PTPRM: variants seen among roughly 807,000 people sequenced by gnomAD.
PTPRM encodes receptor-type tyrosine-protein phosphatase mu.
A neutral mutation model predicts 186.7 loss-of-function variants in PTPRM; 47 were observed. That is an observed-to-expected ratio of 0.25 (90% CI 0.20 to 0.32). The LOEUF is 0.32. PTPRM is among the 10% of genes least tolerant of loss of function. The pLI is 1.00. For synonymous variants in PTPRM, 668 were observed against 674.9 expected, an observed-to-expected ratio of 0.99 and a Z score of 0.16; for missense variants, 1,494 against 1,865.0, an observed-to-expected ratio of 0.80 and a Z score of 3.66.
intron 1 of PTPRM, among the ~76,000 whole-genome samples, chr18:7,735,645 G>A (rs1209429059): frequency 6.6e-6 from 1 of 151,952 alleles, no homozygotes; most frequent in Non-Finnish European, 1.5e-5. Flanking sequence ...TATAAAGAAT[G>A]TCTATTAACA....
chr18:7,606,443 G>A (rs2037531814), intron 1 of PTPRM, among the ~76,000 whole-genome samples: 1 of 152,106 alleles, frequency 6.6e-6, no homozygotes, highest in South Asian at 2.1e-4. Context: ...CGGTTGGAGA[G>A]CTTCTTATCC....
At chr18:8,067,069 T>C (rs932860191) in intron 7 of PTPRM, among the ~76,000 whole-genome samples, 2 of 152,236 alleles carry the variant, frequency 1.3e-5, no homozygotes, top group Admixed American at 6.5e-5. Flanking sequence ...TAGTTTTCCA[T>C]TGAAATTAAG....
intron 7 of PTPRM, among the ~76,000 whole-genome samples, chr18:7,997,193 C>T (rs892007993): frequency 3.9e-5 from 6 of 152,104 alleles, no homozygotes; most frequent in South Asian, 2.1e-4. Context: ...AAAACAGACA[C>T]ATAGACCAAC....
intron 1 of PTPRM, among the ~76,000 whole-genome samples, chr18:7,762,637 G>A (rs1362278533): frequency 6.6e-6 from 1 of 152,154 alleles, no homozygotes; most frequent in African/African-American, 2.4e-5. Flanking sequence ...TTGGGAGTGT[G>A]TGGGATATAC....
chr18:8,070,030 T>C (rs371375052), intron 8 of PTPRM, 36 bp downstream of exon 8: 2 of 1,557,316 alleles, frequency 1.3e-6, no homozygotes, highest in Non-Finnish European at 1.7e-6. Context: ...GTGTAAAACA[T>C]GTTCTTTCAA....
chr18:7,606,037 A>G (rs1450020235), intron 1 of PTPRM, among the ~76,000 whole-genome samples: 1 of 152,004 alleles, frequency 6.6e-6, no homozygotes, highest in African/African-American at 2.4e-5. Flanking sequence ...CACTCCCTTT[A>G]CTGGTCTGCA....
At chr18:8,143,563 A>T in intron 13 of PTPRM, 84 bp from the exon 14 acceptor site, 1 of 1,438,434 alleles carries the variant, frequency 7.0e-7, no homozygotes, top group Non-Finnish European at 9.7e-7. Context: ...TTACTCTGTT[A>T]AATGCAGCGA....
intron 2 of PTPRM, among the ~76,000 whole-genome samples, chr18:7,825,307 AC>A (rs1030252012): frequency 6.6e-6 from 1 of 152,150 alleles, no homozygotes; most frequent in Non-Finnish European, 1.5e-5. Context: ...ACAGCTAGGT[AC>A]CATGCAGAGG....
At position 8,049,529 on chromosome 18, in the gene PTPRM, A is replaced by G. The variant is rs185094321; in HGVS notation, c.1133-20157A>G. The G allele has an allele frequency of 4.6e-5, 7 of 152,298 alleles. No individual in the cohort carries two copies. In the East Asian group the frequency reaches 1.4e-3, roughly 29 times the overall value. 9.4% of individuals were successfully genotyped at this position (152,298 alleles called of 1,614,324 possible). ...TCGCTATATATTATATTGTGCTAGT[A>G]TCCTTTTACCAAATATGTTGATTAA... On this transcript the variant is annotated intron_variant, in intron 7 of 32. Transcript: ENST00000580170.
At chr18:8,112,372 C>T (rs2091793680) in intron 11 of PTPRM, among the ~76,000 whole-genome samples, 2 of 152,116 alleles carry the variant, frequency 1.3e-5, no homozygotes, top group African/African-American at 4.8e-5. Flanking sequence ...AGAGACAAAC[C>T]TTTCTAGGCA....
At chr18:8,270,916 T>C (rs147068866) in intron 19 of PTPRM, among the ~76,000 whole-genome samples, 41 of 152,246 alleles carry the variant, frequency 2.7e-4, no homozygotes, top group African/African-American at 9.4e-4. Context: ...GGGAAACTAA[T>C]GTACAGCATG....
chr18:8,209,582 T>C (rs2093975049), intron 14 of PTPRM, among the ~76,000 whole-genome samples: 1 of 151,634 alleles, frequency 6.6e-6, no homozygotes, highest in Admixed American at 6.6e-5. Context: ...TTTAATTGTG[T>C]CCCCCCAAAA....
intron 13 of PTPRM, among the ~76,000 whole-genome samples, chr18:8,121,339 A>G (rs1324725949): frequency 6.6e-6 from 1 of 152,218 alleles, no homozygotes; most frequent in African/African-American, 2.4e-5. Context: ...AGGCTGTTCC[A>G]TGTAAATTAG....
intron 2 of PTPRM, among the ~76,000 whole-genome samples, chr18:7,805,727 C>T (rs1231877239): frequency 6.6e-6 from 1 of 152,092 alleles, no homozygotes; most frequent in African/African-American, 2.4e-5. Context: ...GAACTGAGTA[C>T]TAATCTTTAT....
At chr18:8,358,792 A>G (rs1484820020) in intron 23 of PTPRM, among the ~76,000 whole-genome samples, 2 of 152,226 alleles carry the variant, frequency 1.3e-5, no homozygotes, top group Non-Finnish European at 2.9e-5. Context: ...CAGAGAAAGT[A>G]TGAGTGACTG....
At position 7,815,696 on chromosome 18, in the gene PTPRM, C is replaced by T. The variant is rs1307168368; in HGVS notation, c.196+41425C>T. On this transcript the variant is annotated intron_variant, in intron 2 of 32. Transcript: ENST00000580170. Reference sequence around the variant, plus strand: ...CAATAATAATATTAATATATAGATGCCCTGTCTTTAAAAAAATATAGAAAA... The same window carrying T: ...CAATAATAATATTAATATATAGATGTCCTGTCTTTAAAAAAATATAGAAAA... 2.0e-5 allele frequency: 3 copies of T among 151,806 alleles called. No individual in the cohort carries two copies. In the East Asian group the frequency reaches 5.8e-4, roughly 29 times the overall value. The allele number at this position is 151,806 out of a possible 1,614,324, so 9.4% of individuals were successfully genotyped here. A position where few individuals can be genotyped will look rare whatever the true frequency, so the allele number is the denominator to read the frequency against.
chr18:8,115,210 C>T (rs34886811), intron 13 of PTPRM, among the ~76,000 whole-genome samples: 15,141 of 152,030 alleles, frequency 0.1, 1,019 homozygotes, highest in Non-Finnish European at 0.15. Context: ...AAAATATCAC[C>T]CACTATTTTT....
At chr18:7,840,839 A>G (rs2046286713) in intron 2 of PTPRM, among the ~76,000 whole-genome samples, 1 of 152,176 alleles carries the variant, frequency 6.6e-6, no homozygotes, top group African/African-American at 2.4e-5. Flanking sequence ...AAAATCCAAG[A>G]TGCTTTGGTC....
At chr18:8,102,049 T>A (rs1177095598) in intron 11 of PTPRM, among the ~76,000 whole-genome samples, 1 of 152,192 alleles carries the variant, frequency 6.6e-6, no homozygotes, top group Admixed American at 6.5e-5. Context: ...AAAAGTTATG[T>A]TTATATTATA....
Sources: allele counts gnomAD v4.1 joint callset (sites outside exome capture counted in the v4.1 genomes callset), GRCh38; gene constraint gnomAD v4.1.1; transcripts MANE v1.5; gene names NCBI Gene and HGNC (gene_info 2026-07-23, HGNC 2026-07-21).